MBP: variants seen among roughly 807,000 people sequenced by gnomAD.
MBP encodes myelin basic protein.
MBP carries 16 observed loss-of-function variants against 35.8 expected under a neutral mutation model. The observed-to-expected ratio is 0.45, with a 90% CI of 0.30 to 0.68. The LOEUF (loss-of-function observed/expected upper bound fraction) is 0.68. Among genes scored for constraint, MBP ranks in the 30% least tolerant of loss-of-function variants. The probability of loss-of-function intolerance (pLI) is 0.08; values close to 1 mark genes in which losing one functional copy is unlikely to be tolerated. For missense variants in MBP, 380 were observed against 404.7 expected (o/e 0.94, Z 0.52); for synonymous variants, 143 against 159.6 (o/e 0.90, Z 0.78).
At chr18:77,016,699 C>T (rs1302947904) in intron 4 of MBP, 133 bp downstream of exon 4, 2 of 1,463,378 alleles carry the variant, frequency 1.4e-6, no homozygotes, top group Non-Finnish European at 1.8e-6. Context: ...CATATGCATT[C>T]TCCAGCACGG....
rs78506290 is a variant in MBP, at chr18:77,020,758, G to A, written c.140-3490C>T. Among the ~76,000 whole-genome samples, 115 of 152,290 alleles carry A rather than the reference G, an allele frequency of 7.6e-4. 1 individual carries two copies. The East Asian group carries it at 0.021, about 27-fold the overall frequency. ...GTGCTCACAGCTGTTCCGGCACAGCGAACCACCCTCCCGGTTAGGGCATGG... is the reference window on the plus strand; with the variant it reads ...GTGCTCACAGCTGTTCCGGCACAGCAAACCACCCTCCCGGTTAGGGCATGG... On this transcript the variant is annotated intron_variant, in intron 3 of 8. Coordinates refer to ENST00000355994, the MANE Select transcript of MBP (RefSeq NM_001025101.2). This position sits in a 1 kb window ranked among gnomAD's most constrained non-coding sequence, Gnocchi z 4.1.
At chr18:77,037,362 T>G (rs1972820699) in intron 3 of MBP, among the ~76,000 whole-genome samples, 1 of 152,106 alleles carries the variant, frequency 6.6e-6, no homozygotes, top group Admixed American at 6.5e-5. Context: ...CTGGTCACAT[T>G]TTGGAGGACT....
chr18:77,127,328 T>C (rs961455845), intron 1 of MBP: 2 of 152,222 alleles, frequency 1.3e-5, no homozygotes, highest in Non-Finnish European at 2.9e-5. Context: ...GGACATTCGT[T>C]GGCAAAACCC....
chr18:77,109,626 T>C (rs1190412496), intron 1 of MBP: 4 of 152,246 alleles, frequency 2.6e-5, no homozygotes, highest in Non-Finnish European at 5.9e-5. Context: ...TCCTAGATAG[T>C]TGGCACTTGG....
intron 3 of MBP, chr18:77,017,757 A>G (rs1378491961): frequency 6.5e-6 from 1 of 152,676 alleles, no homozygotes; most frequent in African/African-American, 2.4e-5. Flanking sequence ...CATGCATGAA[A>G]GAAGTGGGGC....
chr18:77,014,801 A>C (rs1971538579), intron 4 of MBP: 1 of 984,818 alleles, frequency 1.0e-6, no homozygotes, highest in African/African-American at 1.7e-5. Context: ...TGCAAATGTT[A>C]TTATTATTAT....
intron 7 of MBP, chr18:76,986,007 C>T: frequency 1.0e-6 from 1 of 985,568 alleles, no homozygotes; most frequent in South Asian, 4.7e-5. Context: ...GTGCTGTCTT[C>T]TCGAGTGGGA....
At chr18:77,074,415 T>A (rs1974574897) in intron 2 of MBP, among the ~76,000 whole-genome samples, 1 of 151,928 alleles carries the variant, frequency 6.6e-6, no homozygotes, top group South Asian at 2.1e-4. Flanking sequence ...TCCAAGGGAG[T>A]CAGAGACTTC....
chr18:77,040,428 T>C (rs950606500), intron 3 of MBP, among the ~76,000 whole-genome samples: 1 of 152,202 alleles, frequency 6.6e-6, no homozygotes, highest in East Asian at 1.9e-4. Flanking sequence ...TGGAAAAAAC[T>C]ACTTTAAAGT....
At chr18:77,018,536 C>T (rs1971794913) in intron 3 of MBP, among the ~76,000 whole-genome samples, 3 of 144,760 alleles carry the variant, frequency 2.1e-5, no homozygotes, top group African/African-American at 7.8e-5. Flanking sequence ...CACACACCCA[C>T]CTACCCATCC....
intron 2 of MBP, 102 bp downstream of exon 2, chr18:77,105,109 T>C: frequency 4.3e-6 from 4 of 936,386 alleles, no homozygotes; most frequent in East Asian, 5.2e-5. Context: ...CAGGGAAGAG[T>C]GTAGCAGCAA....
At chr18:77,022,163 C>T (rs1287599522) in intron 3 of MBP, among the ~76,000 whole-genome samples, 1 of 152,158 alleles carries the variant, frequency 6.6e-6, no homozygotes, top group African/African-American at 2.4e-5. Context: ...CCACATAAGA[C>T]CTGGTTCCAA....
Position 77,019,167 on chromosome 18 carries a change from G to A in MBP, c.140-1899C>T, listed in dbSNP as rs541254507. The stretch of plus-strand genomic sequence containing the variant: ...TGTAATTCACGAGGTCCTTGTCCTC[G>A]TGAAACCTACATTCTAGTGGGGAAA... On this transcript the variant is annotated intron_variant, in intron 3 of 8. Coordinates refer to ENST00000355994, the MANE Select transcript of MBP (RefSeq NM_001025101.2). Among the ~76,000 whole-genome samples, 8 of 152,334 alleles carry A rather than the reference G, an allele frequency of 5.3e-5. No homozygotes were observed. In the South Asian group the frequency reaches 1.0e-3, roughly 20 times the overall value.
chr18:77,112,651 G>C (rs533108867), intron 1 of MBP: 14 of 152,506 alleles, frequency 9.2e-5, no homozygotes, highest in African/African-American at 3.1e-4. Context: ...AGAGAGACGG[G>C]CGGCCAGGAC....
At chr18:76,996,316 T>C (rs1230529612) in intron 4 of MBP, among the ~76,000 whole-genome samples, 1 of 152,236 alleles carries the variant, frequency 6.6e-6, no homozygotes, top group Non-Finnish European at 1.5e-5. Context: ...ATTACATGCT[T>C]TTGGAAATGG....
At chr18:77,055,978 A>T (rs910298279) in intron 3 of MBP, among the ~76,000 whole-genome samples, 3 of 152,070 alleles carry the variant, frequency 2.0e-5, no homozygotes, top group Admixed American at 6.5e-5. Flanking sequence ...CCCCTCCCCG[A>T]CTCCTCTTAC....
In MBP at chr18:77,101,658, C is replaced by CT. The variant is rs577613396; in HGVS notation, c.51+3552dup. ...TAACACTGCAACTCCAGAAAAGTGT[C>CT]TTTTTTTCACCAATCAGAGACATTC... is the stretch of plus-strand genomic sequence containing the variant. On this transcript the variant is annotated intron_variant, in intron 2 of 8. Coordinates refer to ENST00000355994, the MANE Select transcript of MBP (RefSeq NM_001025101.2). The surrounding 1 kb of genome is among the most constrained non-coding windows in gnomAD (Gnocchi z 4.3). Among the ~76,000 whole-genome samples the CT allele has an allele frequency of 7.4e-4, 113 of 152,300 alleles. No individual in the cohort carries two copies. Among genetic ancestry groups the CT allele is most frequent in the South Asian group, 5.2e-3 (25 of 4,828 alleles).
chr18:77,020,131 T>C lies in MBP; in HGVS notation c.140-2863A>G, dbSNP rs4890876. ...GGACGGCCTCTGTGGAGGGATATGA[T>C]GGAGATGGTGGTACCCAGAGGCCGG... On this transcript the variant is annotated intron_variant, in intron 3 of 8. Coordinates refer to ENST00000355994, the MANE Select transcript of MBP (RefSeq NM_001025101.2). The surrounding 1 kb of genome is among the most constrained non-coding windows in gnomAD (Gnocchi z 4.1). 0.55 allele frequency among the ~76,000 whole-genome samples: 83,941 copies of C among 151,610 alleles called. 23,379 individuals carry two copies. Among genetic ancestry groups the C allele is most frequent in the East Asian group, 0.6 (3,102 of 5,138 alleles).
intron 8 of MBP, chr18:76,980,683 G>T: frequency 1.8e-6 from 1 of 569,478 alleles, no homozygotes; most frequent in East Asian, 2.9e-5. Flanking sequence ...CTGTGAGAGA[G>T]AACTGGAATC....
Sources: allele counts gnomAD v4.1 joint callset (sites outside exome capture counted in the v4.1 genomes callset), GRCh38; gene constraint gnomAD v4.1.1; non-coding constraint Gnocchi (gnomAD v3.1); transcripts MANE v1.5; gene names NCBI Gene and HGNC (gene_info 2026-07-23, HGNC 2026-07-21).